UBE2D2: variants seen among roughly 807,000 people sequenced by gnomAD.
UBE2D2 encodes the protein ubiquitin-conjugating enzyme E2 D2.
Under a neutral mutation model 24.2 loss-of-function variants are expected in UBE2D2, and 2 were observed. The ratio of observed to expected loss-of-function variants is 0.08; its 90% CI spans 0.03 to 0.26. UBE2D2 has a LOEUF of 0.26. UBE2D2 is among the 10% of genes least tolerant of loss of function. The probability of loss-of-function intolerance (pLI) is 1.00; values close to 1 mark genes in which losing one functional copy is unlikely to be tolerated. For missense variants in UBE2D2, 44 were observed against 177.6 expected (o/e 0.25, Z 4.28); for synonymous variants, 58 against 56.5 (o/e 1.03, Z -0.12).
At chr5:139,543,478 A>G (rs537486324) in intron 1 of UBE2D2, among the ~76,000 whole-genome samples, 1 of 152,292 alleles carries the variant, frequency 6.6e-6, no homozygotes, top group East Asian at 1.9e-4. Context: ...GCACGTCAGT[A>G]GGCGGGCTGC....
intron 2 of UBE2D2, among the ~76,000 whole-genome samples, chr5:139,601,659 C>T (rs539677037): frequency 7.2e-4 from 110 of 151,772 alleles, no homozygotes; most frequent in Non-Finnish European, 1.4e-3. Context: ...GCCTCTAATC[C>T]CAGCACTTTG....
chr5:139,564,012 C>T (rs560673996), intron 1 of UBE2D2, among the ~76,000 whole-genome samples: 5 of 152,240 alleles, frequency 3.3e-5, no homozygotes, highest in Non-Finnish European at 7.3e-5. Context: ...GGAACTATCT[C>T]TTTGACACAA....
At chr5:139,590,077 C>G (rs1021606473) in intron 1 of UBE2D2, among the ~76,000 whole-genome samples, 1 of 152,052 alleles carries the variant, frequency 6.6e-6, no homozygotes, top group Non-Finnish European at 1.5e-5. Context: ...AGCCATTGCA[C>G]CTGGCCAGGG....
At chr5:139,528,771 G>C (rs894327236) in intron 1 of UBE2D2, among the ~76,000 whole-genome samples, 1 of 152,142 alleles carries the variant, frequency 6.6e-6, no homozygotes, top group East Asian at 1.9e-4. Context: ...CCGTATCAGA[G>C]AGCCCAGTTA....
At chr5:139,607,609 G>T (rs2126693971) in intron 2 of UBE2D2, among the ~76,000 whole-genome samples, 1 of 152,274 alleles carries the variant, frequency 6.6e-6, no homozygotes, top group South Asian at 2.1e-4. Context: ...GATTACATAT[G>T]TTTAGTCCTG....
chr5:139,573,312 AG>A, intron 1 of UBE2D2, among the ~76,000 whole-genome samples: 1 of 151,814 alleles, frequency 6.6e-6, no homozygotes. Flanking sequence ...AAAAAAAAAA[AG>A]AAAAAAAAAA....
chr5:139,579,443 G>T (rs948155406), intron 1 of UBE2D2, among the ~76,000 whole-genome samples: 1 of 151,874 alleles, frequency 6.6e-6, no homozygotes, highest in African/African-American at 2.4e-5. Context: ...CACTGTGCCT[G>T]GCCTAATTTT....
intron 1 of UBE2D2, among the ~76,000 whole-genome samples, chr5:139,554,611 T>C (rs754307954): frequency 4.6e-5 from 7 of 152,194 alleles, no homozygotes; most frequent in Admixed American, 6.5e-5. Context: ...TTTTGGACTA[T>C]ATACAAAAAA....
chr5:139,557,246 G>A (rs1004836937), upstream of UBE2D2, among the ~76,000 whole-genome samples: 9 of 151,848 alleles, frequency 5.9e-5, no homozygotes, highest in Admixed American at 4.6e-4. Flanking sequence ...TGATTCTCCT[G>A]CCTCAGCCTC....
chr5:139,565,611 G>A (rs1753198401), intron 1 of UBE2D2, among the ~76,000 whole-genome samples: 1 of 152,190 alleles, frequency 6.6e-6, no homozygotes, highest in Non-Finnish European at 1.5e-5. Flanking sequence ...TATTAAAATT[G>A]TGTCTAAAAT....
At chr5:139,584,973 T>C (rs1753696386) in intron 1 of UBE2D2, among the ~76,000 whole-genome samples, 5 of 151,762 alleles carry the variant, frequency 3.3e-5, no homozygotes, top group Admixed American at 3.3e-4. Flanking sequence ...CGATCTCGGC[T>C]GACTGCAACC....
chr5:139,615,019 T>G, intron 5 of UBE2D2, 53 bp downstream of exon 5: 2 of 1,467,552 alleles, frequency 1.4e-6, no homozygotes, highest in Non-Finnish European at 9.3e-7. Flanking sequence ...TTTGTCTTTT[T>G]AGAGTTATTT....
intron 1 of UBE2D2, among the ~76,000 whole-genome samples, chr5:139,546,902 T>G (rs948953523): frequency 2.0e-5 from 3 of 151,628 alleles, no homozygotes; most frequent in African/African-American, 7.3e-5. Context: ...TTTCTTTCTT[T>G]CTTTTTTTTT....
chr5:139,536,263 C>T (rs1355836575), intron 1 of UBE2D2, among the ~76,000 whole-genome samples: 1 of 151,688 alleles, frequency 6.6e-6, no homozygotes, highest in Non-Finnish European at 1.5e-5. Context: ...CCATGCCCAG[C>T]TAATTTTGTA....
upstream of UBE2D2, among the ~76,000 whole-genome samples, chr5:139,557,914 A>T (rs561827404): frequency 1.0e-3 from 156 of 152,074 alleles, 1 homozygote; most frequent in East Asian, 9.6e-4. Flanking sequence ...GATTTTTTTT[A>T]AAAAAAGATC....
rs1018580569 is a variant in UBE2D2 at position 139,576,729 on chromosome 5, A to G, written c.24+14914A>G. 3.3e-5 allele frequency among the ~76,000 whole-genome samples: 5 copies of G among 152,002 alleles called. No individual in the cohort carries two copies. In the South Asian group the frequency reaches 1.0e-3, roughly 31 times the overall value. On this transcript the variant is annotated intron_variant, in intron 1 of 6. Transcript: ENST00000398733. ...ATTAAATGCCATCTCGGGTGCTTTC[A>G]TTGTCAACAAAGGTGCTCCCATCTC...
chr5:139,626,254 G>A (rs1754625663), intron 6 of UBE2D2, among the ~76,000 whole-genome samples: 1 of 151,940 alleles, frequency 6.6e-6, no homozygotes, highest in African/African-American at 2.4e-5. Context: ...TTTTTTTGTA[G>A]AGACAGGGTT....
chr5:139,545,542 C>T (rs1195334373), intron 1 of UBE2D2, among the ~76,000 whole-genome samples: 1 of 151,770 alleles, frequency 6.6e-6, no homozygotes, highest in Non-Finnish European at 1.5e-5. Context: ...TTCTCTGCCT[C>T]AGCCTCCCGA....
At chr5:139,554,142 G>T (rs1752952574) in intron 1 of UBE2D2, among the ~76,000 whole-genome samples, 1 of 152,100 alleles carries the variant, frequency 6.6e-6, no homozygotes, top group Non-Finnish European at 1.5e-5. Flanking sequence ...ACAATAGAAA[G>T]AACATTTCCA....
Sources: allele counts gnomAD v4.1 joint callset (sites outside exome capture counted in the v4.1 genomes callset), GRCh38; gene constraint gnomAD v4.1.1; transcripts MANE v1.5; gene names NCBI Gene and HGNC (gene_info 2026-07-23, HGNC 2026-07-21).